USP13: variants seen among roughly 807,000 people sequenced by gnomAD.
The protein encoded by USP13 is ubiquitin carboxyl-terminal hydrolase 13.
USP13 carries 68 observed loss-of-function variants against 107.8 expected under a neutral mutation model. The observed-to-expected ratio is 0.63, with a 90% confidence interval of 0.52 to 0.77. The LOEUF (loss-of-function observed/expected upper bound fraction) is 0.77. USP13 is among the 30% of genes least tolerant of loss of function. USP13 has a pLI of 0.00. For missense variants in USP13, 945 were observed against 1,093.3 expected (o/e 0.86, Z 1.91); for synonymous variants, 377 against 389.5 (o/e 0.97, Z 0.38).
In USP13 at chr3:179,678,478, AT is replaced by A. The variant is rs11402001; in HGVS notation, c.169-3388del. Reference sequence around the variant, plus strand: ...ATAATTATAAGCTTTTTTGGATGCTATTTTTTTTTTTTGAGACAGGGTCTCT... The same window carrying A: ...ATAATTATAAGCTTTTTTGGATGCTATTTTTTTTTTTGAGACAGGGTCTCT... On this transcript the variant is annotated intron_variant, in intron 1 of 20. Coordinates refer to ENST00000263966, the MANE Select transcript of USP13 (RefSeq NM_003940.3). The surrounding 1 kb of genome is among the most constrained non-coding windows in gnomAD (Gnocchi z 4.2). Among the ~76,000 whole-genome samples the A allele has an allele frequency of 0.032, 4,761 of 147,674 alleles. 121 individuals are homozygous for A. The highest frequency in any genetic ancestry group is 0.046 in the Non-Finnish European group (3,056 of 66,756).
chr3:179,684,013 T>A (rs1395606021), intron 2 of USP13, among the ~76,000 whole-genome samples: 1 of 152,018 alleles, frequency 6.6e-6, no homozygotes, highest in Non-Finnish European at 1.5e-5. Flanking sequence ...CAGGCTGGAG[T>A]GCAGTGGCGC....
At chr3:179,718,618 G>A (rs1713190415) in intron 6 of USP13, among the ~76,000 whole-genome samples, 1 of 152,162 alleles carries the variant, frequency 6.6e-6, no homozygotes, top group Admixed American at 6.5e-5. Flanking sequence ...TCACCACACT[G>A]TGTGTGAGGA....
At chr3:179,760,317 T>C (rs1576984108) in intron 16 of USP13, among the ~76,000 whole-genome samples, 2 of 140,128 alleles carry the variant, frequency 1.4e-5, no homozygotes, top group Admixed American at 7.6e-5. Flanking sequence ...GGAGTCTCAC[T>C]CTTTCGCCCA....
intron 6 of USP13, among the ~76,000 whole-genome samples, chr3:179,710,657 G>A (rs1034280846): frequency 2.6e-5 from 4 of 152,294 alleles, no homozygotes; most frequent in East Asian, 1.9e-4. Flanking sequence ...CTTAAGGATG[G>A]TGATATGTTC....
rs538022424 is a variant in USP13 at position 179,758,778 on chromosome 3, G to T, written c.1948+1700G>T. Reference sequence around the variant, plus strand: ...CTCCCAACGTGCTGGGATTACACACGTGAGCCACCGCGCCCGGCCCTTAAA... The same window carrying T: ...CTCCCAACGTGCTGGGATTACACACTTGAGCCACCGCGCCCGGCCCTTAAA... On this transcript the variant is annotated intron_variant, in intron 16 of 20. Transcript: ENST00000263966. Among the ~76,000 whole-genome samples, 3 of 152,148 alleles carry T rather than the reference G, an allele frequency of 2.0e-5. No individual in the cohort carries two copies. The South Asian group carries it at 6.2e-4, about 32-fold the overall frequency.
chr3:179,700,409 G>A (rs972894347), intron 3 of USP13, among the ~76,000 whole-genome samples: 6 of 152,102 alleles, frequency 3.9e-5, no homozygotes, highest in African/African-American at 7.2e-5. Context: ...TCTTGTTCTC[G>A]TTTATCTCCT....
In USP13 at chr3:179,754,818, A is replaced by G. The variant is rs143157721; in HGVS notation, c.1885A>G (p.Ile629Val). The change falls in exon 15 of 21, where the codon ATC (isoleucine) becomes GTC (valine). Residue 629 changes from isoleucine (I) to valine (V), a missense_variant. By Grantham distance (29) the Ile-to-Val change is conservative. Coordinates refer to ENST00000263966, the MANE Select transcript of USP13 (RefSeq NM_003940.3). ...GCCAGGAGAGGAAGAACTTCCAGAC[A>G]TCAGCCCCCCCATAGTCATTCCTGA... ...LQPGEEELPD[I>V]SPPIVIPDDS... 1 of 1,613,062 alleles carries G rather than the reference A, an allele frequency of 6.2e-7. No individual in the cohort carries two copies. The highest frequency in any genetic ancestry group is 8.5e-7 in the Non-Finnish European group (1 of 1,179,656).
chr3:179,669,026 A>C (rs968938382), intron 1 of USP13, among the ~76,000 whole-genome samples: 2 of 152,174 alleles, frequency 1.3e-5, no homozygotes, highest in Non-Finnish European at 2.9e-5. Context: ...GGCTTGATGA[A>C]AGCAAAAGTT....
chr3:179,750,326 GTATATATATATATA>G (rs569602060), intron 13 of USP13, among the ~76,000 whole-genome samples: 6 of 75,828 alleles, frequency 7.9e-5, no homozygotes, highest in African/African-American at 2.3e-4. Context: ...ATATATGTGT[GTATATATATATATA>G]TATATGTATA....
chr3:179,702,387 G>A (rs536960545), intron 4 of USP13, among the ~76,000 whole-genome samples: 1 of 152,324 alleles, frequency 6.6e-6, no homozygotes, highest in African/African-American at 2.4e-5. Flanking sequence ...GGCCACAGAT[G>A]GCAGTGGGGC....
intron 19 of USP13, among the ~76,000 whole-genome samples, chr3:179,774,220 C>T (rs1715431613): frequency 6.6e-6 from 1 of 152,040 alleles, no homozygotes; most frequent in East Asian, 1.9e-4. Flanking sequence ...TGAGAACTCA[C>T]TTATTACCAG....
In USP13 at chr3:179,784,179, C is replaced by G; in HGVS notation, c.*38C>G. On this transcript the variant is annotated 3_prime_UTR_variant, in exon 21 of 21. Transcript: ENST00000263966. ...AAAATTGGCGAAAAGAAGCCATACG[C>G]CTTTTTAATTTGCCAAAAAAAAAAA... 6.7e-7 allele frequency: 1 copy of G among 1,486,184 alleles called. No homozygotes were observed. Among genetic ancestry groups the G allele is most frequent in the Non-Finnish European group, 9.2e-7 (1 of 1,092,432 alleles). 92.1% of individuals were successfully genotyped at this position (1,486,184 alleles called of 1,614,324 possible). A position where few individuals can be genotyped will look rare whatever the true frequency, so the allele number is the denominator to read the frequency against.
At chr3:179,704,858 G>A (rs572693492) in intron 4 of USP13, among the ~76,000 whole-genome samples, 1 of 152,170 alleles carries the variant, frequency 6.6e-6, no homozygotes, top group African/African-American at 2.4e-5. Flanking sequence ...GTTCCTGACT[G>A]TGAGTAGCTC....
At chr3:179,715,831 C>T (rs1410614310) in intron 6 of USP13, among the ~76,000 whole-genome samples, 1 of 152,180 alleles carries the variant, frequency 6.6e-6, no homozygotes, top group South Asian at 2.1e-4. Context: ...ATTTTCTCCT[C>T]TCCGATTTAT....
chr3:179,751,376 A>T (rs1714605527), intron 13 of USP13, among the ~76,000 whole-genome samples: 1 of 152,140 alleles, frequency 6.6e-6, no homozygotes, highest in Non-Finnish European at 1.5e-5. Context: ...TACCCCTAGG[A>T]TCCATGTGGC....
chr3:179,724,297 A>G (rs1250422965), intron 8 of USP13, among the ~76,000 whole-genome samples: 1 of 151,718 alleles, frequency 6.6e-6, no homozygotes, highest in Non-Finnish European at 1.5e-5. Context: ...GTCTGTACTA[A>G]AAATACACAA....
At chr3:179,744,940 G>C in intron 12 of USP13, 103 bp from the exon 13 acceptor site, 1 of 1,422,156 alleles carries the variant, frequency 7.0e-7, no homozygotes, top group Non-Finnish European at 9.6e-7. Flanking sequence ...AAGCAACTCT[G>C]GCCCAGCGCA....
chr3:179,775,482 G>A (rs557269426), intron 19 of USP13, among the ~76,000 whole-genome samples: 37 of 152,378 alleles, frequency 2.4e-4, no homozygotes, highest in African/African-American at 7.9e-4. Context: ...CCAGGGCCGT[G>A]GGTGGAGCTG....
At chr3:179,767,969 A>G (rs1341604778) in intron 19 of USP13, among the ~76,000 whole-genome samples, 1 of 152,216 alleles carries the variant, frequency 6.6e-6, no homozygotes, top group Admixed American at 6.5e-5. Flanking sequence ...CCAACTGGAT[A>G]AGAAAGGATG....
Sources: gnomAD v4.1 joint callset for allele counts (sites outside exome capture counted in the v4.1 genomes callset) on GRCh38, gnomAD v4.1.1 for gene constraint, Gnocchi (gnomAD v3.1) non-coding constraint, MANE v1.5 for transcripts, NCBI Gene and HGNC (gene_info 2026-07-23, HGNC 2026-07-21) for gene names.